Variants in COPS9 observed in about 807,000 individuals in gnomAD.
The protein encoded by COPS9 is COP9 signalosome subunit 9.
A neutral mutation model predicts 7.2 loss-of-function variants in COPS9; 8 were observed. The observed-to-expected ratio is 1.11, with a 90% CI of 0.65 to 2.00. The LOEUF (loss-of-function observed/expected upper bound fraction) is 2.00, where lower values mean the gene tolerates loss of function less well. COPS9 is among the 30% of genes most tolerant of loss of function. COPS9 has a pLI of 0.00. For missense variants in COPS9, 74 were observed against 77.7 expected (o/e 0.95, Z 0.18); for synonymous variants, 39 against 28.7 (o/e 1.36, Z -1.14).
downstream of COPS9, among the ~76,000 whole-genome samples, chr2:240,128,544 C>T (rs1346211419): frequency 6.6e-6 from 1 of 152,172 alleles, no homozygotes; most frequent in Non-Finnish European, 1.5e-5. Flanking sequence ...CATTATCTGG[C>T]CGGCAGCTGA....
chr2:240,130,183 G>A (rs1283080790), downstream of COPS9, among the ~76,000 whole-genome samples: 3 of 152,242 alleles, frequency 2.0e-5, no homozygotes, highest in Admixed American at 6.5e-5. Context: ...ATGACAAGGT[G>A]ACACCCTTCA....
chr2:240,131,141 G>A (rs562828218), intron 2 of COPS9, 53 bp from the exon 3 acceptor site: 12 of 1,577,932 alleles, frequency 7.6e-6, no homozygotes, highest in Admixed American at 1.8e-5. Flanking sequence ...AAGGGCTGAA[G>A]AAATCACTTC....
At chr2:240,135,810 C>T (rs1056772475) in intron 1 of COPS9, 10 of 192,914 alleles carry the variant, frequency 5.2e-5, no homozygotes, top group Non-Finnish European at 9.4e-5. Flanking sequence ...GTAAAGCCCA[C>T]TTTCTTCCCC....
rs578102958 is a variant in COPS9 at position 240,136,215 on chromosome 2, G to A, written c.63+7C>T. The A allele has an allele frequency of 2.5e-5, 39 of 1,536,696 alleles. No homozygotes were observed. The highest frequency in any genetic ancestry group is 2.9e-5 in the African/African-American group (2 of 69,596). On this transcript the variant is annotated splice_region_variant and intron_variant, in intron 1 of 2. Coordinates refer to ENST00000607357, the MANE Select transcript of COPS9 (RefSeq NM_001163424.2). ...ACGCTCGGAGACTCCCGCCGGGCCC[G>A]TGCCACCTCGTCCAGGTCCACGTAG...
chr2:240,129,727 C>T (rs1016723269), downstream of COPS9, among the ~76,000 whole-genome samples: 11 of 152,252 alleles, frequency 7.2e-5, no homozygotes, highest in East Asian at 1.9e-4. Context: ...ACAACTCTCA[C>T]GAAATGAATT....
chr2:240,134,687 C>A (rs755228110), intron 1 of COPS9, among the ~76,000 whole-genome samples: 1 of 152,180 alleles, frequency 6.6e-6, no homozygotes, highest in East Asian at 1.9e-4. Flanking sequence ...CTGCCCTGAT[C>A]CCCACATAGC....
chr2:240,126,858 A>G (rs1365600345), downstream of COPS9: 1 of 1,614,164 alleles, frequency 6.2e-7, no homozygotes, highest in Admixed American at 1.7e-5. Flanking sequence ...GGTAAACATT[A>G]GCGCCTCCGC....
At position 240,136,023 on chromosome 2, in the gene COPS9, C is replaced by T. The variant is rs938319012; in HGVS notation, c.63+199G>A. ...CCCCCGGGCTAGGGCACACGCTTCC[C>T]GCCGCGGTCGGTCGCCGCCTTTCAC... On this transcript the variant is annotated intron_variant, in intron 1 of 2. Coordinates refer to ENST00000607357, the MANE Select transcript of COPS9 (RefSeq NM_001163424.2). 6.8e-6 allele frequency: 6 copies of T among 886,766 alleles called. No homozygotes were observed. In the African/African-American group the frequency reaches 8.9e-5, roughly 13 times the overall value. 54.9% of individuals were successfully genotyped at this position (886,766 alleles called of 1,614,324 possible).
downstream of COPS9, among the ~76,000 whole-genome samples, chr2:240,129,738 G>C (rs546958535): frequency 2.0e-5 from 3 of 152,342 alleles, no homozygotes; most frequent in African/African-American, 4.8e-5. Context: ...GAAATGAATT[G>C]CAAGAACATA....
chr2:240,127,987 T>C (rs998516522), downstream of COPS9, among the ~76,000 whole-genome samples: 5 of 151,870 alleles, frequency 3.3e-5, no homozygotes, highest in African/African-American at 9.7e-5. Flanking sequence ...CAAGACATAC[T>C]TGAGAGTAGT....
chr2:240,133,906 C>A lies in COPS9; in HGVS notation c.136+27G>T, dbSNP rs374448998. On this transcript the variant is annotated intron_variant, in intron 2 of 2. Coordinates refer to ENST00000607357, the MANE Select transcript of COPS9 (RefSeq NM_001163424.2). ...TAGAGAAGAAATATTCAGATTAAATCTGGCATCCCATTCCAAGCATCCTTA... is the reference window on the plus strand; with the variant it reads ...TAGAGAAGAAATATTCAGATTAAATATGGCATCCCATTCCAAGCATCCTTA... The A allele has an allele frequency of 3.7e-6, 6 of 1,608,828 alleles. No homozygotes were observed. In the African/African-American group the frequency reaches 4.0e-5, roughly 11 times the overall value.
chr2:240,133,370 C>T (rs1391519132), intron 2 of COPS9, among the ~76,000 whole-genome samples: 1 of 152,202 alleles, frequency 6.6e-6, no homozygotes, highest in Non-Finnish European at 1.5e-5. Flanking sequence ...TTGCTTTTCA[C>T]TGTTCATTTG....
rs1042289415 is a variant in COPS9, at chr2:240,132,550, G to A, written c.136+1383C>T. 2.6e-5 allele frequency among the ~76,000 whole-genome samples: 4 copies of A among 152,156 alleles called. No individual in the cohort carries two copies. The highest frequency in any genetic ancestry group is 6.5e-5 in the Admixed American group (1 of 15,278). On this transcript the variant is annotated intron_variant, in intron 2 of 2. Coordinates refer to ENST00000607357, the MANE Select transcript of COPS9 (RefSeq NM_001163424.2). This position sits in a 1 kb window ranked among gnomAD's most constrained non-coding sequence, Gnocchi z 4.1. ...TCAGGTTGCTGGGCGCTCACCTGAC[G>A]GGTAGGACCTGGGTCCCTCTCAGAG...
At chr2:240,129,604 AGG>A (rs2071900471), downstream of COPS9, among the ~76,000 whole-genome samples, 1 of 152,212 alleles carries the variant, frequency 6.6e-6, no homozygotes, top group South Asian at 2.1e-4. Flanking sequence ...CCTCAGCTGA[AGG>A]GGAACTGCAG....
intron 1 of COPS9, chr2:240,135,797 A>C (rs1438367047): frequency 5.6e-6 from 1 of 179,496 alleles, no homozygotes; most frequent in African/African-American, 2.4e-5. Context: ...CTTCCAAGGC[A>C]CAGTAAAGCC....
downstream of COPS9, among the ~76,000 whole-genome samples, chr2:240,129,327 TCA>T (rs546852026): frequency 1.2e-4 from 18 of 152,232 alleles, no homozygotes; most frequent in East Asian, 3.5e-3. Flanking sequence ...CATGCTCAGC[TCA>T]TTTTTTTAAT....
At position 240,133,946 on chromosome 2, in the gene COPS9, T is replaced by A. The variant is rs1457335105; in HGVS notation, c.123A>T (p.Ala41=). 5 of 1,614,180 alleles carry A rather than the reference T, an allele frequency of 3.1e-6. No individual in the cohort carries two copies. The East Asian group carries it at 8.9e-5, about 29-fold the overall frequency. The change falls in exon 2 of 3, where the codon GCA becomes GCT. Residue 41 remains alanine, a synonymous_variant. Coordinates refer to ENST00000607357, the MANE Select transcript of COPS9 (RefSeq NM_001163424.2). ...DLAANEKAVH[A]DFFNDFEDLF... ...AAGCATCCTTACCGTTAAAAAAGTC[T>A]GCATGAACGGCCTTTTCATTGGCTG...
downstream of COPS9, chr2:240,126,838 C>G: frequency 1.2e-6 from 2 of 1,614,216 alleles, no homozygotes; most frequent in Non-Finnish European, 1.7e-6. Context: ...AGCGGATGTT[C>G]TCTGCATCTG....
chr2:240,133,791 G>A (rs2071945370), intron 2 of COPS9, 142 bp downstream of exon 2: 1 of 760,644 alleles, frequency 1.3e-6, no homozygotes, highest in Non-Finnish European at 2.2e-6. Context: ...GCTCCACAGA[G>A]GCTGCACTGC....
Sources: gnomAD v4.1 joint callset for allele counts (sites outside exome capture counted in the v4.1 genomes callset) on GRCh38, gnomAD v4.1.1 for gene constraint, Gnocchi (gnomAD v3.1) non-coding constraint, MANE v1.5 for transcripts, NCBI Gene and HGNC (gene_info 2026-07-23, HGNC 2026-07-21) for gene names.